Variants in LY86 observed in about 807,000 individuals in gnomAD.
LY86 encodes the protein MD-1, RP105-associated.
In LY86, 20 loss-of-function variants were observed where a neutral mutation model predicts 17.3. The ratio of observed to expected loss-of-function variants is 1.15; its 90% CI spans 0.81 to 1.68. The LOEUF (loss-of-function observed/expected upper bound fraction) is 1.68, where lower values mean the gene tolerates loss of function less well. Among genes scored for constraint, LY86 ranks in the 40% most tolerant of loss-of-function variants. LY86 has a pLI of 0.00. For synonymous variants in LY86, 74 were observed against 70.6 expected (o/e 1.05, Z -0.24); for missense variants, 200 against 191.9 (o/e 1.04, Z -0.25).
chr6:6,650,344 T>TG (rs1256253982), intron 4 of LY86, among the ~76,000 whole-genome samples: 5 of 148,020 alleles, frequency 3.4e-5, no homozygotes, highest in East Asian at 2.0e-4. Flanking sequence ...ATAATGGTTT[T>TG]TTTTTTTTTT....
intron 3 of LY86, among the ~76,000 whole-genome samples, chr6:6,647,968 T>TAC (rs57233850): frequency 0.041 from 6,002 of 144,646 alleles, 153 homozygotes; most frequent in East Asian, 0.088. Flanking sequence ...AATCATCACA[T>TAC]ACACACACAC....
intron 3 of LY86, among the ~76,000 whole-genome samples, chr6:6,638,066 C>T (rs889430733): frequency 1.3e-5 from 2 of 152,124 alleles, no homozygotes; most frequent in Non-Finnish European, 2.9e-5. Flanking sequence ...AGTCATTTTC[C>T]CTGCTAGGCC....
chr6:6,605,506 G>A (rs1212503948), intron 1 of LY86, among the ~76,000 whole-genome samples: 1 of 152,210 alleles, frequency 6.6e-6, no homozygotes, highest in South Asian at 2.1e-4. Context: ...TCAGTGCCTT[G>A]CCATGGGGGG....
intron 1 of LY86, among the ~76,000 whole-genome samples, chr6:6,604,619 T>G (rs1408055304): frequency 6.6e-6 from 1 of 151,884 alleles, no homozygotes; most frequent in African/African-American, 2.4e-5. Flanking sequence ...TGAAGAAAAA[T>G]GCTGAAAATT....
chr6:6,650,710 T>C (rs1256829243), intron 4 of LY86, among the ~76,000 whole-genome samples: 1 of 152,234 alleles, frequency 6.6e-6, no homozygotes, highest in Non-Finnish European at 1.5e-5. Flanking sequence ...GATTTGGTTA[T>C]GTGTATGTAA....
chr6:6,632,280 G>C (rs1226828772), intron 3 of LY86, among the ~76,000 whole-genome samples: 2 of 150,932 alleles, frequency 1.3e-5, no homozygotes, highest in Non-Finnish European at 2.9e-5. Flanking sequence ...CAGGCCTGGA[G>C]GTCTCCTTCC....
chr6:6,647,705 C>T (rs1762124973), intron 3 of LY86, among the ~76,000 whole-genome samples: 2 of 152,148 alleles, frequency 1.3e-5, no homozygotes, highest in South Asian at 4.1e-4. Context: ...TCTTAGTCTC[C>T]TTGGTTGGCT....
chr6:6,611,787 C>T (rs546603408), intron 1 of LY86, among the ~76,000 whole-genome samples: 3 of 139,744 alleles, frequency 2.1e-5, no homozygotes, highest in African/African-American at 8.1e-5. Flanking sequence ...TCAAACAGTA[C>T]GGGCTCAAAA....
At chr6:6,604,771 T>C (rs576730762) in intron 1 of LY86, among the ~76,000 whole-genome samples, 20 of 151,996 alleles carry the variant, frequency 1.3e-4, no homozygotes, top group African/African-American at 4.8e-4. Flanking sequence ...TTCCCACAGT[T>C]TCCCAGAGAT....
intron 1 of LY86, among the ~76,000 whole-genome samples, chr6:6,617,130 A>G (rs1451117064): frequency 6.6e-6 from 1 of 152,214 alleles, no homozygotes; most frequent in East Asian, 1.9e-4. Flanking sequence ...AACAATTACC[A>G]ACACCAAGCC....
intron 1 of LY86, among the ~76,000 whole-genome samples, chr6:6,603,369 C>CTA (rs1554123563): frequency 6.6e-6 from 1 of 151,562 alleles, no homozygotes; most frequent in African/African-American, 2.4e-5. Flanking sequence ...AGACAGTTCA[C>CTA]AAAAATTACC....
chr6:6,601,817 T>G (rs7748852), intron 1 of LY86, among the ~76,000 whole-genome samples: 137,545 of 152,146 alleles, frequency 0.9, 62,226 homozygotes, highest in Middle Eastern at 0.98. Context: ...CCCTCCATCT[T>G]ATTGCCATGT....
At chr6:6,591,035 C>T (rs920701524) in intron 1 of LY86, 1 of 153,486 alleles carries the variant, frequency 6.5e-6, no homozygotes. Context: ...CCACTAGTAT[C>T]CCATTCATTT....
chr6:6,590,118 T>TTAAAAAAA (rs1305444257), intron 1 of LY86, among the ~76,000 whole-genome samples: 2 of 80,586 alleles, frequency 2.5e-5, no homozygotes, highest in East Asian at 9.8e-4. Context: ...AACTCTGTCT[T>TTAAAAAAA]AAAAAAAAAA....
chr6:6,596,170 C>T (rs143796001), intron 1 of LY86, among the ~76,000 whole-genome samples: 9 of 152,244 alleles, frequency 5.9e-5, no homozygotes, highest in East Asian at 1.9e-4. Context: ...AGTGGCCAAA[C>T]GGGACAATTA....
chr6:6,640,639 G>A (rs1581251373), intron 3 of LY86, among the ~76,000 whole-genome samples: 1 of 151,912 alleles, frequency 6.6e-6, no homozygotes, highest in Non-Finnish European at 1.5e-5. Context: ...CTTGAGCCCA[G>A]GAATTTAAGG....
At chr6:6,623,340 G>A (rs549746808) in intron 1 of LY86, among the ~76,000 whole-genome samples, 181 of 152,158 alleles carry the variant, frequency 1.2e-3, no homozygotes, top group Non-Finnish European at 2.1e-3. Context: ...AGTAGCTTAG[G>A]GCCCCGCAGA....
chr6:6,654,628 C>G lies in LY86; in HGVS notation c.*1C>G. On this transcript the variant is annotated 3_prime_UTR_variant, in exon 5 of 5. Coordinates refer to ENST00000230568, the MANE Select transcript of LY86 (RefSeq NM_004271.4). ...CAATGCTACTATCATGTGCTCCTGA[C>G]TGTGGCCTGTAGCAAAAATCACAGC... The G allele has an allele frequency of 6.2e-7, 1 of 1,613,860 alleles. No individual in the cohort carries two copies. The highest frequency in any genetic ancestry group is 1.3e-5 in the African/African-American group (1 of 75,058).
At chr6:6,649,604 A>G (rs756498428) in intron 3 of LY86, 21 bp from the exon 4 acceptor site, 3 of 1,446,556 alleles carry the variant, frequency 2.1e-6, no homozygotes, top group South Asian at 2.4e-5. Context: ...AACATCATCT[A>G]TGCTTTATAT....
Sources: gnomAD v4.1 joint callset for allele counts (sites outside exome capture counted in the v4.1 genomes callset) on GRCh38, gnomAD v4.1.1 for gene constraint, MANE v1.5 for transcripts, NCBI Gene and HGNC (gene_info 2026-07-23, HGNC 2026-07-21) for gene names.